Variants in KICS2 observed in about 807,000 individuals in gnomAD.
KICS2 encodes KICSTOR complex protein C12orf66.
Under a neutral mutation model 31.4 loss-of-function variants are expected in KICS2, and 13 were observed. The observed-to-expected ratio is 0.41, with a 90% CI of 0.27 to 0.66. The LOEUF (loss-of-function observed/expected upper bound fraction) is 0.66. Among genes scored for constraint, KICS2 ranks in the 30% least tolerant of loss-of-function variants. KICS2 has a pLI of 0.28. For synonymous variants in KICS2, 209 were observed against 214.8 expected (o/e 0.97, Z 0.24); for missense variants, 455 against 545.4 (o/e 0.83, Z 1.65).
intron 2 of KICS2, among the ~76,000 whole-genome samples, chr12:64,203,356 G>A (rs1204693836): frequency 2.6e-5 from 4 of 152,206 alleles, no homozygotes; most frequent in African/African-American, 9.6e-5. Context: ...CTTCTGAGAA[G>A]CGCCTAGTGG....
intron 2 of KICS2, among the ~76,000 whole-genome samples, chr12:64,209,965 T>C (rs957056112): frequency 4.6e-5 from 7 of 152,172 alleles, no homozygotes; most frequent in African/African-American, 1.4e-4. Context: ...AAAATATGAA[T>C]TATTTCTCTA....
At position 64,194,066 on chromosome 12, in the gene KICS2, T is replaced by C. The variant is rs1592378308; in HGVS notation, c.1114A>G (p.Thr372Ala). Residue 372 changes from threonine to alanine, a missense_variant, in exon 3 of 3, where the codon ACA (threonine) becomes GCA (alanine). Physicochemically the swap from Thr to Ala is moderately conservative, Grantham distance 58. Transcript: ENST00000398055. ...PNVIMIMTDR[T>A]SDLNSLEKVV... ...TTCTCCAAGCTGTTCAGATCAGATG[T>C]GCGGTCCGTCATGATCATGATGACA... is the stretch of plus-strand genomic sequence containing the variant. 3 of 1,614,168 alleles carry C rather than the reference T, an allele frequency of 1.9e-6. No homozygotes were observed. Among genetic ancestry groups the C allele is most frequent in the Non-Finnish European group, 2.5e-6 (3 of 1,180,036 alleles).
intron 2 of KICS2, among the ~76,000 whole-genome samples, chr12:64,196,302 G>T (rs1287925166): frequency 1.3e-5 from 2 of 150,068 alleles, no homozygotes; most frequent in Admixed American, 1.3e-4. Context: ...CCTGACCCCC[G>T]AGCAGCCTAA....
downstream of KICS2, chr12:64,187,474 T>C (rs2037347076): frequency 8.9e-6 from 6 of 675,354 alleles, no homozygotes; most frequent in Admixed American, 2.8e-5. Context: ...CAAAAGCAGA[T>C]TGAAAAAATA....
At chr12:64,186,798 C>A (rs1406284858), downstream of KICS2, 3 of 152,148 alleles carry the variant, frequency 2.0e-5, no homozygotes, top group Non-Finnish European at 4.4e-5. Context: ...CAAGCAGACA[C>A]CATGTTGGTC....
rs1207287271 is a variant in KICS2, at chr12:64,193,479, AG to A, written c.*362del. ...TCTTCCAAGAAGGAGGGAAACAGAG[AG>A]GCTGTTTGGAATTGCAGTAGAACAC... On this transcript the variant is annotated 3_prime_UTR_variant, in exon 3 of 3. Transcript: ENST00000398055. 2 of 1,015,658 alleles carry A rather than the reference AG, an allele frequency of 2.0e-6. No individual in the cohort carries two copies. Among genetic ancestry groups the A allele is most frequent in the African/African-American group, 3.4e-5 (2 of 58,126 alleles). 62.9% of individuals were successfully genotyped at this position (1,015,658 alleles called of 1,614,324 possible).
rs2037414058 is a variant in KICS2 at position 64,194,543 on chromosome 12, G to A, written c.637C>T (p.Leu213=). The part of the protein sequence containing the change: ...QVSEWKFLPS[L]VNLHSAHTKL... The stretch of plus-strand genomic sequence containing the variant: ...GTGTGCGCACTGTGTAAATTAACCA[G>A]AGATGGGAGGAACTTCCACTCTGAG... Residue 213 remains leucine, a synonymous_variant, in exon 3 of 3, where the codon CTG becomes TTG. Coordinates refer to ENST00000398055, the MANE Select transcript of KICS2 (RefSeq NM_152440.5). 3 of 1,614,180 alleles carry A rather than the reference G, an allele frequency of 1.9e-6. No homozygotes were observed.
chr12:64,187,627 G>A (rs762625131), downstream of KICS2: 39 of 1,535,534 alleles, frequency 2.5e-5, no homozygotes, highest in Middle Eastern at 1.7e-4. Context: ...AAAAGGCCAC[G>A]AAATAATTGC....
downstream of KICS2, among the ~76,000 whole-genome samples, chr12:64,188,629 T>C (rs1323094850): frequency 1.3e-5 from 2 of 150,374 alleles, no homozygotes; most frequent in African/African-American, 4.9e-5. Flanking sequence ...TGGAGGAAAA[T>C]AAATAATCAA....
chr12:64,203,009 T>C (rs1487273748), intron 2 of KICS2, among the ~76,000 whole-genome samples: 1 of 152,080 alleles, frequency 6.6e-6, no homozygotes, highest in African/African-American at 2.4e-5. Context: ...TTTCCCCAGT[T>C]ATATCCTCTC....
Position 64,222,100 on chromosome 12 carries a change from G to C in KICS2, c.138C>G (p.Ser46Arg), listed in dbSNP as rs374893440. ...NVEKEREANK[S>R]AGGSWLSLLA... Reference sequence around the variant, plus strand: ...GCAGCGACAGCCAGCTGCCCCCCGCGCTCTTGTTGGCCTCTCGTTCCTTCT... The same window carrying C: ...GCAGCGACAGCCAGCTGCCCCCCGCCCTCTTGTTGGCCTCTCGTTCCTTCT... Residue 46 changes from serine (S) to arginine (R), a missense_variant, in exon 1 of 3, where the codon AGC becomes AGG. Physicochemically the swap from Ser to Arg is moderately radical, Grantham distance 110. Transcript: ENST00000398055. 1.2e-6 allele frequency: 2 copies of C among 1,613,882 alleles called. No individual in the cohort carries two copies. Among genetic ancestry groups the C allele is most frequent in the African/African-American group, 2.7e-5 (2 of 74,926 alleles).
downstream of KICS2, among the ~76,000 whole-genome samples, chr12:64,189,733 T>C (rs1207478814): frequency 6.6e-6 from 1 of 151,822 alleles, no homozygotes; most frequent in Non-Finnish European, 1.5e-5. Context: ...ATAAAAACAC[T>C]GGGCAAAATG....
intron 2 of KICS2, among the ~76,000 whole-genome samples, chr12:64,209,625 C>CT (rs2037567158): frequency 1.3e-5 from 2 of 152,200 alleles, no homozygotes; most frequent in East Asian, 1.9e-4. Flanking sequence ...AAAAGGAAGC[C>CT]TTTTTTAACA....
intron 2 of KICS2, among the ~76,000 whole-genome samples, chr12:64,194,896 T>G (rs547594609): frequency 7.9e-5 from 12 of 152,262 alleles, no homozygotes; most frequent in African/African-American, 2.9e-4. Context: ...AGTGGCCACT[T>G]TTCCTTTCAA....
chr12:64,213,693 G>A (rs926296509), intron 2 of KICS2, among the ~76,000 whole-genome samples: 8 of 151,912 alleles, frequency 5.3e-5, no homozygotes, highest in Non-Finnish European at 1.0e-4. Context: ...CTGGCCTTTC[G>A]TCTGAACTCT....
intron 2 of KICS2, among the ~76,000 whole-genome samples, chr12:64,213,614 T>A (rs1474799309): frequency 6.6e-6 from 1 of 152,196 alleles, no homozygotes; most frequent in Middle Eastern, 3.2e-3. Context: ...GCTGTTTTAT[T>A]AAAGAACAAT....
chr12:64,193,500 G>A lies in KICS2; in HGVS notation c.*342C>T. 2 of 1,036,206 alleles carry A rather than the reference G, an allele frequency of 1.9e-6. No individual in the cohort carries two copies. Among genetic ancestry groups the A allele is most frequent in the Non-Finnish European group, 2.3e-6 (2 of 863,550 alleles). The allele number at this position is 1,036,206 out of a possible 1,614,324, so 64.2% of individuals were successfully genotyped here. On this transcript the variant is annotated 3_prime_UTR_variant, in exon 3 of 3. Transcript: ENST00000398055. ...AGAGAGGCTGTTTGGAATTGCAGTAGAACACAATGTTTAGAACAACAGAAA... is the reference window on the plus strand; with the variant it reads ...AGAGAGGCTGTTTGGAATTGCAGTAAAACACAATGTTTAGAACAACAGAAA...
rs1040685109 is a variant in KICS2 at position 64,204,843 on chromosome 12, T to G, written c.522-10185A>C. Reference sequence around the variant, plus strand: ...TTAAATTGGAATGATACAGAGAAGATTAGCATGTCCCCTATACAAGGATAA... The same window carrying G: ...TTAAATTGGAATGATACAGAGAAGAGTAGCATGTCCCCTATACAAGGATAA... On this transcript the variant is annotated intron_variant, in intron 2 of 2. Coordinates refer to ENST00000398055, the MANE Select transcript of KICS2 (RefSeq NM_152440.5). 6.6e-5 allele frequency: 10 copies of G among 152,208 alleles called. No homozygotes were observed. The East Asian group carries it at 1.9e-3, about 29-fold the overall frequency. The allele number at this position is 152,208 out of a possible 1,614,324, so 9.4% of individuals were successfully genotyped here.
At chr12:64,220,570 G>T (rs1253906323) in intron 1 of KICS2, among the ~76,000 whole-genome samples, 1 of 151,116 alleles carries the variant, frequency 6.6e-6, no homozygotes, top group Non-Finnish European at 1.5e-5. Flanking sequence ...CATGGCACTT[G>T]AATCAGTCAC....
Sources: gnomAD v4.1 joint callset for allele counts (sites outside exome capture counted in the v4.1 genomes callset) on GRCh38, gnomAD v4.1.1 for gene constraint, MANE v1.5 for transcripts, NCBI Gene and HGNC (gene_info 2026-07-23, HGNC 2026-07-21) for gene names.